The following GRM5 variants were observed in gnomAD, a reference collection of about 807,000 sequenced individuals.
GRM5 encodes glutamate metabotropic receptor 5, also known as metabotropic glutamate receptor 5.
In GRM5, 19 loss-of-function variants were observed where a neutral mutation model predicts 83.1. The ratio of observed to expected loss-of-function variants is 0.23; its 90% CI spans 0.16 to 0.34. The LOEUF (loss-of-function observed/expected upper bound fraction) is 0.34, where lower values mean the gene tolerates loss of function less well. Ranked by LOEUF, GRM5 falls within the 10% of genes least tolerant of loss-of-function variation. GRM5 has a pLI of 1.00. For missense variants in GRM5, 1,160 were observed against 1,588.3 expected (o/e 0.73, Z 4.58); for synonymous variants, 675 against 633.6 (o/e 1.07, Z -0.98).
intron 3 of GRM5, among the ~76,000 whole-genome samples, chr11:88,766,235 G>T (rs984639704): frequency 6.6e-6 from 1 of 151,908 alleles, no homozygotes; most frequent in African/African-American, 2.4e-5. Context: ...CCACAAAGGA[G>T]CTCAAATAGC....
intron 3 of GRM5, among the ~76,000 whole-genome samples, chr11:88,680,723 C>A (rs1489243346): frequency 6.6e-6 from 1 of 152,168 alleles, no homozygotes; most frequent in East Asian, 1.9e-4. Context: ...AGACTTGGAA[C>A]CAACATCAAA....
chr11:88,618,710 C>T (rs147614459), intron 4 of GRM5, among the ~76,000 whole-genome samples: 252 of 151,988 alleles, frequency 1.7e-3, no homozygotes, highest in African/African-American at 5.7e-3. Context: ...GTCTTAAGTG[C>T]GCATAATAAA....
intron 1 of GRM5, among the ~76,000 whole-genome samples, chr11:89,064,888 C>CTCTCTCTCTGTGTGTG (rs1218318990): frequency 1.4e-4 from 9 of 62,262 alleles, no homozygotes; most frequent in African/African-American, 6.2e-4. Flanking sequence ...CTCTCTCTCT[C>CTCTCTCTCTGTGTGTG]TGTGTGTGTG....
intron 2 of GRM5, among the ~76,000 whole-genome samples, chr11:88,940,798 A>G (rs1938064372): frequency 6.6e-6 from 1 of 152,040 alleles, no homozygotes; most frequent in Non-Finnish European, 1.5e-5. Flanking sequence ...AAAAGTGACT[A>G]AACGTACATA....
At chr11:88,825,430 A>C (rs558397442) in intron 3 of GRM5, among the ~76,000 whole-genome samples, 1 of 152,266 alleles carries the variant, frequency 6.6e-6, no homozygotes, top group African/African-American at 2.4e-5. Context: ...AATACCAGAG[A>C]CAGTCTTTAC....
intron 2 of GRM5, among the ~76,000 whole-genome samples, chr11:88,946,055 C>A (rs1266376307): frequency 2.0e-5 from 3 of 151,848 alleles, no homozygotes; most frequent in African/African-American, 7.3e-5. Context: ...AAATGAATAA[C>A]CCCATTAAAA....
chr11:89,033,647 A>G (rs1941316144), intron 2 of GRM5, among the ~76,000 whole-genome samples: 1 of 151,932 alleles, frequency 6.6e-6, no homozygotes, highest in South Asian at 2.1e-4. Flanking sequence ...CCATGTATTG[A>G]TAGATTGAAG....
chr11:88,930,008 A>G (rs1361289306), intron 2 of GRM5, among the ~76,000 whole-genome samples: 3 of 152,140 alleles, frequency 2.0e-5, no homozygotes, highest in Non-Finnish European at 4.4e-5. Flanking sequence ...TTAGGCAGAA[A>G]AAAACTGTCA....
At chr11:88,537,880 A>T (rs1942171394) in intron 8 of GRM5, among the ~76,000 whole-genome samples, 2 of 152,210 alleles carry the variant, frequency 1.3e-5, no homozygotes, top group Non-Finnish European at 2.9e-5. Context: ...CTGCAAAATG[A>T]TTTGAGAAAT....
chr11:89,061,595 C>T (rs1188787309), intron 1 of GRM5, among the ~76,000 whole-genome samples: 2 of 152,042 alleles, frequency 1.3e-5, no homozygotes, highest in African/African-American at 4.8e-5. Flanking sequence ...TCAAGTATTC[C>T]CAAAGTCTGG....
At chr11:89,013,614 A>G (rs1940768735) in intron 2 of GRM5, among the ~76,000 whole-genome samples, 1 of 152,160 alleles carries the variant, frequency 6.6e-6, no homozygotes, top group Non-Finnish European at 1.5e-5. Flanking sequence ...CCATACTACT[A>G]TCAGGGAAGA....
chr11:88,570,565 ATATATATTTTTTTTTT>A (rs972944572), intron 7 of GRM5, among the ~76,000 whole-genome samples: 7 of 71,752 alleles, frequency 9.8e-5, no homozygotes, highest in African/African-American at 5.5e-4. Flanking sequence ...ATATATATAT[ATATATATTTTTTTTTT>A]TTTTTTTTTT....
At chr11:88,989,766 G>C (rs1939893309) in intron 2 of GRM5, among the ~76,000 whole-genome samples, 1 of 146,586 alleles carries the variant, frequency 6.8e-6, no homozygotes, top group Non-Finnish European at 1.5e-5. Context: ...TGACTACTGG[G>C]TACATAACGA....
chr11:88,838,524 G>A (rs542292418), intron 3 of GRM5, among the ~76,000 whole-genome samples: 2 of 152,262 alleles, frequency 1.3e-5, no homozygotes, highest in East Asian at 3.9e-4. Context: ...TTTGGTCACA[G>A]ATCAAAGATT....
intron 4 of GRM5, among the ~76,000 whole-genome samples, chr11:88,627,376 G>A (rs1169950818): frequency 1.3e-5 from 2 of 151,798 alleles, no homozygotes; most frequent in Non-Finnish European, 2.9e-5. Flanking sequence ...TTTCTTTGTG[G>A]CACATATTTT....
At chr11:89,060,495 G>T (rs921127097) in intron 1 of GRM5, among the ~76,000 whole-genome samples, 3 of 151,966 alleles carry the variant, frequency 2.0e-5, no homozygotes, top group African/African-American at 4.8e-5. Flanking sequence ...TAACTGAAAA[G>T]GAAAAACAAA....
intron 3 of GRM5, among the ~76,000 whole-genome samples, chr11:88,823,303 C>A (rs1263069937): frequency 6.6e-6 from 1 of 150,616 alleles, no homozygotes; most frequent in Non-Finnish European, 1.5e-5. Context: ...AAAATGCTTC[C>A]TTTGTGGAAG....
intron 2 of GRM5, among the ~76,000 whole-genome samples, chr11:88,981,088 G>C (rs1939505332): frequency 6.6e-6 from 1 of 152,008 alleles, no homozygotes; most frequent in African/African-American, 2.4e-5. Flanking sequence ...CAAAGATAAA[G>C]ATGTTAATCT....
At chr11:88,936,648 A>C (rs185739292) in intron 2 of GRM5, among the ~76,000 whole-genome samples, 2 of 152,026 alleles carry the variant, frequency 1.3e-5, no homozygotes, top group Non-Finnish European at 2.9e-5. Flanking sequence ...TATTAATTGG[A>C]TAAAAAGCTA....
Sources: allele counts gnomAD v4.1 joint callset (sites outside exome capture counted in the v4.1 genomes callset), GRCh38; gene constraint gnomAD v4.1.1; transcripts MANE v1.5; gene names NCBI Gene and HGNC (gene_info 2026-07-23, HGNC 2026-07-21).